The following CCDC85C variants were observed in gnomAD, a reference collection of about 807,000 sequenced individuals.
CCDC85C encodes the protein coiled-coil domain-containing protein 85C.
Under a neutral mutation model 38.3 loss-of-function variants are expected in CCDC85C, and 18 were observed. That is an observed-to-expected ratio of 0.47 (90% CI 0.33 to 0.70). The LOEUF (loss-of-function observed/expected upper bound fraction) is 0.70, where lower values mean the gene tolerates loss of function less well. CCDC85C is among the 30% of genes least tolerant of loss of function. The pLI is 0.03. For synonymous variants in CCDC85C, 264 were observed against 293.8 expected, an observed-to-expected ratio of 0.90 and a Z score of 1.04; for missense variants, 566 against 621.2, an observed-to-expected ratio of 0.91 and a Z score of 0.94.
chr14:99,510,864 G>T lies in CCDC85C; in HGVS notation c.*4382C>A. On this transcript the variant is annotated 3_prime_UTR_variant, in exon 6 of 6. Transcript: ENST00000380243. ...AGTAGTTGAAGTGGGTAAGCAGCAG[G>T]GTACCTTGTATAATGCACGACAGTT... 8.1e-7 allele frequency: 1 copy of T among 1,231,918 alleles called. No individual in the cohort carries two copies. The highest frequency in any genetic ancestry group is 2.4e-5 in the South Asian group (1 of 41,522). 76.3% of individuals were successfully genotyped at this position (1,231,918 alleles called of 1,614,324 possible). A position where few individuals can be genotyped will look rare whatever the true frequency, so the allele number is the denominator to read the frequency against.
intron 1 of CCDC85C, among the ~76,000 whole-genome samples, chr14:99,586,531 C>CATGTGACAT (rs1310508903): frequency 2.6e-4 from 39 of 152,208 alleles, no homozygotes; most frequent in Non-Finnish European, 2.6e-4. Context: ...GGATAGGGTG[C>CATGTGACAT]ATGTGACATG....
intron 1 of CCDC85C, among the ~76,000 whole-genome samples, chr14:99,536,530 G>A (rs1400357079): frequency 6.6e-6 from 1 of 152,192 alleles, no homozygotes; most frequent in Non-Finnish European, 1.5e-5. Flanking sequence ...TCGGGGTCCG[G>A]GGAGCCCCCT....
chr14:99,509,073 A>T lies in CCDC85C; in HGVS notation c.*6173T>A, dbSNP rs1317101634. ...TTACCGACCTGATGAAATCCTGCTC[A>T]TGCTCGCTTTGGCAAGATCAAACGG... On this transcript the variant is annotated 3_prime_UTR_variant, in exon 6 of 6. Transcript: ENST00000380243. 1.3e-5 allele frequency: 2 copies of T among 152,222 alleles called. No homozygotes were observed. The highest frequency in any genetic ancestry group is 1.3e-4 in the Admixed American group (2 of 15,280). 9.4% of individuals were successfully genotyped at this position (152,222 alleles called of 1,614,324 possible).
In CCDC85C at chr14:99,533,474, A is replaced by G. The variant is rs1566764164; in HGVS notation, c.867+2541T>C. ...CTTTGAACCCTTTCTGCACTGGATG[A>G]TCTCTGAATTCCGCGCCCTGGTTGT... is the stretch of plus-strand genomic sequence containing the variant. On this transcript the variant is annotated intron_variant, in intron 2 of 5. Transcript: ENST00000380243. The surrounding 1 kb of genome is among the most constrained non-coding windows in gnomAD (Gnocchi z 4.2). Among the ~76,000 whole-genome samples the G allele has an allele frequency of 6.6e-6, 1 of 152,198 alleles. No individual in the cohort carries two copies. Among genetic ancestry groups the G allele is most frequent in the Non-Finnish European group, 1.5e-5 (1 of 68,038 alleles).
Position 99,512,409 on chromosome 14 carries a change from G to GT in CCDC85C, c.*2836dup, listed in dbSNP as rs1897151363. ...AAATATACACCTCTACCGCTCTGCA[G>GT]TCATGCATTTAGTTTTAAGAAAAAA... On this transcript the variant is annotated 3_prime_UTR_variant, in exon 6 of 6. Transcript: ENST00000380243. The GT allele has an allele frequency of 6.6e-6, 1 of 150,804 alleles. No homozygotes were observed. The highest frequency in any genetic ancestry group is 6.6e-5 in the Admixed American group (1 of 15,180). The allele number at this position is 150,804 out of a possible 1,614,324, so 9.3% of individuals were successfully genotyped here.
At chr14:99,526,513 G>T (rs796448631) in intron 2 of CCDC85C, among the ~76,000 whole-genome samples, 1 of 152,188 alleles carries the variant, frequency 6.6e-6, no homozygotes, top group Admixed American at 6.5e-5. Context: ...CAGGGGCTAC[G>T]GAGGCGAGAG....
chr14:99,602,928 A>G (rs1238497195), intron 1 of CCDC85C, among the ~76,000 whole-genome samples: 2 of 152,164 alleles, frequency 1.3e-5, no homozygotes, highest in African/African-American at 4.8e-5. Context: ...CTGGGACCGG[A>G]CCGGCAGCAG....
chr14:99,566,237 T>C (rs1304366710), intron 1 of CCDC85C, among the ~76,000 whole-genome samples: 1 of 152,210 alleles, frequency 6.6e-6, no homozygotes, highest in Non-Finnish European at 1.5e-5. Flanking sequence ...TCACTGCCAA[T>C]GTCTTGTTGG....
chr14:99,536,128 C>G, intron 1 of CCDC85C, 40 bp from the exon 2 acceptor site: 1 of 1,416,356 alleles, frequency 7.1e-7, no homozygotes, highest in Non-Finnish European at 9.8e-7. Context: ...TAGCCTCCAG[C>G]AGACTCCATC....
rs974419716 is a variant in CCDC85C at position 99,511,954 on chromosome 14, G to A, written c.*3292C>T. On this transcript the variant is annotated 3_prime_UTR_variant, in exon 6 of 6. Coordinates refer to ENST00000380243, the MANE Select transcript of CCDC85C (RefSeq NM_001144995.2). ...GGGCCCCGACTGAGCCCCCATCTGC[G>A]GTGCTTGAGGGGCCTTGGCCCTGTC... 13 of 152,226 alleles carry A rather than the reference G, an allele frequency of 8.5e-5. No homozygotes were observed. The highest frequency in any genetic ancestry group is 2.9e-4 in the African/African-American group (12 of 41,426). The allele number at this position is 152,226 out of a possible 1,614,324, so 9.4% of individuals were successfully genotyped here.
At chr14:99,602,395 A>C (rs2055208996) in intron 1 of CCDC85C, among the ~76,000 whole-genome samples, 1 of 152,260 alleles carries the variant, frequency 6.6e-6, no homozygotes, top group South Asian at 2.1e-4. Context: ...CACTTCCTGT[A>C]AGGCGATCAA....
rs899219289 is a variant in CCDC85C, at chr14:99,516,797, C to A, written c.1071+291G>T. 4.6e-5 allele frequency among the ~76,000 whole-genome samples: 7 copies of A among 152,140 alleles called. No individual in the cohort carries two copies. The highest frequency in any genetic ancestry group is 1.0e-4 in the Non-Finnish European group (7 of 68,008). Reference sequence around the variant, plus strand: ...GCAGACCTGAGGTTAGTTCTAGCCCCACTCCTGCCCCTCTCTCTCTGGCCT... The same window carrying A: ...GCAGACCTGAGGTTAGTTCTAGCCCAACTCCTGCCCCTCTCTCTCTGGCCT... On this transcript the variant is annotated intron_variant, in intron 4 of 5. Coordinates refer to ENST00000380243, the MANE Select transcript of CCDC85C (RefSeq NM_001144995.2). The surrounding 1 kb of genome is among the most constrained non-coding windows in gnomAD (Gnocchi z 5.5).
chr14:99,576,092 C>A lies in CCDC85C; in HGVS notation c.793+27075G>T, dbSNP rs1034425384. 6.6e-6 allele frequency among the ~76,000 whole-genome samples: 1 copy of A among 152,240 alleles called. No individual in the cohort carries two copies. Among genetic ancestry groups the A allele is most frequent in the Non-Finnish European group, 1.5e-5 (1 of 68,048 alleles). On this transcript the variant is annotated intron_variant, in intron 1 of 5. Transcript: ENST00000380243. The surrounding 1 kb of genome is among the most constrained non-coding windows in gnomAD (Gnocchi z 4.8). ...GCCCGTCTAATGAGGGTGGCTCACA[C>A]TAATGGCCACATCTTCCTCCATCCC...
chr14:99,598,426 G>A (rs1196245479), intron 1 of CCDC85C, among the ~76,000 whole-genome samples: 1 of 152,236 alleles, frequency 6.6e-6, no homozygotes, highest in African/African-American at 2.4e-5. Context: ...CTGGTGGGGC[G>A]ACTGCTGCGG....
In CCDC85C at chr14:99,576,928, T is replaced by C. The variant is rs544443235; in HGVS notation, c.793+26239A>G. ...CACAGCTCCTACCCACACCCACTGC[T>C]GAGCTCTCCCTCGCCCCCAGGCTGC... On this transcript the variant is annotated intron_variant, in intron 1 of 5. Coordinates refer to ENST00000380243, the MANE Select transcript of CCDC85C (RefSeq NM_001144995.2). This position sits in a 1 kb window ranked among gnomAD's most constrained non-coding sequence, Gnocchi z 4.8. Among the ~76,000 whole-genome samples the C allele has an allele frequency of 1.3e-5, 2 of 152,064 alleles. No homozygotes were observed. Among genetic ancestry groups the C allele is most frequent in the South Asian group, 4.2e-4 (2 of 4,812 alleles).
rs1242034355 is a variant in CCDC85C at position 99,604,035 on chromosome 14, G to C, written c.-76C>G. On this transcript the variant is annotated 5_prime_UTR_variant, in exon 1 of 6. Coordinates refer to ENST00000380243, the MANE Select transcript of CCDC85C (RefSeq NM_001144995.2). ...CCCCGCGCCGGGGCTCCGCTGGGCC[G>C]GTCCGCGCGCGGGCGGGGGGCGGCC... 7.0e-6 allele frequency: 7 copies of C among 1,001,238 alleles called. No individual in the cohort carries two copies. The Admixed American group carries it at 3.6e-4, about 52-fold the overall frequency. The allele number at this position is 1,001,238 out of a possible 1,614,324, so 62.0% of individuals were successfully genotyped here. A position where few individuals can be genotyped will look rare whatever the true frequency, so the allele number is the denominator to read the frequency against.
intron 1 of CCDC85C, among the ~76,000 whole-genome samples, chr14:99,581,051 A>G (rs1254489052): frequency 2.6e-5 from 4 of 152,096 alleles, no homozygotes; most frequent in Non-Finnish European, 5.9e-5. Flanking sequence ...AGACAGAGTG[A>G]GGGCTGGAGG....
At chr14:99,599,864 A>T (rs2055181348) in intron 1 of CCDC85C, among the ~76,000 whole-genome samples, 1 of 152,104 alleles carries the variant, frequency 6.6e-6, no homozygotes, top group Non-Finnish European at 1.5e-5. Context: ...GACCAGAGAG[A>T]CCCTGTCTCT....
rs1897293136 is a variant in CCDC85C at position 99,520,752 on chromosome 14, C to T, written c.975+1381G>A. Reference sequence around the variant, plus strand: ...ACCAGGACGCACTCACCATGGGGCCCTGGCCATCCACCCCACCCCTGTGAG... The same window carrying T: ...ACCAGGACGCACTCACCATGGGGCCTTGGCCATCCACCCCACCCCTGTGAG... On this transcript the variant is annotated intron_variant, in intron 3 of 5. Coordinates refer to ENST00000380243, the MANE Select transcript of CCDC85C (RefSeq NM_001144995.2). This position sits in a 1 kb window ranked among gnomAD's most constrained non-coding sequence, Gnocchi z 4.1. Among the ~76,000 whole-genome samples, 5 of 152,232 alleles carry T rather than the reference C, an allele frequency of 3.3e-5. No homozygotes were observed. The highest frequency in any genetic ancestry group is 3.3e-4 in the Admixed American group (5 of 15,290).
Sources: allele counts gnomAD v4.1 joint callset (sites outside exome capture counted in the v4.1 genomes callset), GRCh38; gene constraint gnomAD v4.1.1; non-coding constraint Gnocchi (gnomAD v3.1); transcripts MANE v1.5; gene names NCBI Gene and HGNC (gene_info 2026-07-23, HGNC 2026-07-21).